Variants in AUTS2 observed in about 807,000 individuals in gnomAD.
AUTS2 encodes autism susceptibility gene 2 protein.
In AUTS2, 17 loss-of-function variants were observed where a neutral mutation model predicts 112.4. The observed-to-expected ratio is 0.15, with a 90% CI of 0.10 to 0.23. The LOEUF (loss-of-function observed/expected upper bound fraction) is 0.23, where lower values mean the gene tolerates loss of function less well. Ranked by LOEUF, AUTS2 falls within the 10% of genes least tolerant of loss-of-function variation. The pLI is 1.00. For synonymous variants in AUTS2, 751 were observed against 702.7 expected (o/e 1.07, Z -1.09); for missense variants, 1,510 against 1,701.6 (o/e 0.89, Z 1.98).
chr7:69,937,975 G>A (rs1432555197), intron 2 of AUTS2, among the ~76,000 whole-genome samples: 1 of 152,186 alleles, frequency 6.6e-6, no homozygotes, highest in Admixed American at 6.5e-5. Context: ...CATGATGAGA[G>A]GTTTTGGGTG....
At chr7:70,296,280 T>G (rs1788931018) in intron 4 of AUTS2, among the ~76,000 whole-genome samples, 1 of 152,246 alleles carries the variant, frequency 6.6e-6, no homozygotes, top group South Asian at 2.1e-4. Context: ...ACAAAGTCAT[T>G]TTCAAGTTTA....
At chr7:70,653,391 T>C (rs1806609874) in intron 5 of AUTS2, among the ~76,000 whole-genome samples, 1 of 152,216 alleles carries the variant, frequency 6.6e-6, no homozygotes. Context: ...AATACTTAAC[T>C]GTGAACACGG....
At chr7:70,786,672 C>T (rs1323315868) in intron 17 of AUTS2, among the ~76,000 whole-genome samples, 2 of 152,134 alleles carry the variant, frequency 1.3e-5, no homozygotes, top group African/African-American at 4.8e-5. Flanking sequence ...ATTCCGGGTA[C>T]AGGAAGAGCT....
intron 1 of AUTS2, among the ~76,000 whole-genome samples, chr7:69,885,347 G>A (rs1417947170): frequency 1.3e-5 from 2 of 151,972 alleles, no homozygotes; most frequent in South Asian, 2.1e-4. Flanking sequence ...TAAATAAATC[G>A]GTGAAGGTTG....
chr7:70,105,345 G>A (rs998652304), intron 2 of AUTS2, among the ~76,000 whole-genome samples: 14 of 152,040 alleles, frequency 9.2e-5, no homozygotes, highest in African/African-American at 2.9e-4. Context: ...CTGCAGCCTC[G>A]AACTCCTGGG....
chr7:69,600,072 G>T, intron 1 of AUTS2, 110 bp downstream of exon 1: 2 of 1,190,376 alleles, frequency 1.7e-6, no homozygotes, highest in Non-Finnish European at 2.4e-6. Flanking sequence ...CTGTCTGTCT[G>T]TCTGTCTGTC....
rs549871083 is a variant in AUTS2, at chr7:70,773,546, C to T, written c.1831-482C>T. 2.0e-5 allele frequency among the ~76,000 whole-genome samples: 3 copies of T among 152,294 alleles called. No individual in the cohort carries two copies. In the South Asian group the frequency reaches 6.2e-4, roughly 32 times the overall value. On this transcript the variant is annotated intron_variant, in intron 11 of 18. Transcript: ENST00000342771. ...AATGAGTAATTACTGAGTATAATTCCTTATTATTGTCTACCAGTTAAAACG... is the reference window on the plus strand; with the variant it reads ...AATGAGTAATTACTGAGTATAATTCTTTATTATTGTCTACCAGTTAAAACG...
intron 1 of AUTS2, among the ~76,000 whole-genome samples, chr7:69,773,563 A>T (rs1235629805): frequency 6.6e-6 from 1 of 151,380 alleles, no homozygotes; most frequent in Non-Finnish European, 1.5e-5. Context: ...TATCCTCCCT[A>T]TTGCTGCCAA....
intron 1 of AUTS2, among the ~76,000 whole-genome samples, chr7:69,635,536 G>T (rs755940148): frequency 2.0e-5 from 3 of 152,196 alleles, no homozygotes; most frequent in Non-Finnish European, 2.9e-5. Flanking sequence ...CTCTAGCCCT[G>T]CAGTACCAGA....
At chr7:69,637,317 T>C (rs1794593114) in intron 1 of AUTS2, among the ~76,000 whole-genome samples, 1 of 152,248 alleles carries the variant, frequency 6.6e-6, no homozygotes, top group Non-Finnish European at 1.5e-5. Flanking sequence ...TACTGCCAAA[T>C]TGCAACAATT....
At chr7:69,666,560 C>T (rs903039123) in intron 1 of AUTS2, among the ~76,000 whole-genome samples, 17 of 152,118 alleles carry the variant, frequency 1.1e-4, no homozygotes, top group African/African-American at 3.9e-4. Flanking sequence ...TGGCATTGCA[C>T]CATGTTCCCC....
intron 5 of AUTS2, among the ~76,000 whole-genome samples, chr7:70,504,702 T>C (rs897044169): frequency 6.6e-6 from 1 of 152,190 alleles, no homozygotes; most frequent in Non-Finnish European, 1.5e-5. Flanking sequence ...CCTGCAAGTG[T>C]TTGGGGCTTG....
rs568766590 is a variant in AUTS2 at position 70,684,431 on chromosome 7, C to A, written c.691-14138C>A. ...TCTTAAAACCTCTCTAGAGTTTAGA[C>A]AGCAGAATGATTTTGTCTTAGACAT... On this transcript the variant is annotated intron_variant, in intron 5 of 18. Transcript: ENST00000342771. 2.0e-5 allele frequency among the ~76,000 whole-genome samples: 3 copies of A among 152,284 alleles called. No homozygotes were observed. In the Middle Eastern group the frequency reaches 0.01, roughly 518 times the overall value.
At chr7:70,096,342 A>C (rs900404980) in intron 2 of AUTS2, among the ~76,000 whole-genome samples, 7 of 152,232 alleles carry the variant, frequency 4.6e-5, no homozygotes, top group African/African-American at 1.7e-4. Context: ...CACGTCTGTA[A>C]TCCCAGCACT....
At chr7:70,092,643 C>T (rs574795941) in intron 2 of AUTS2, among the ~76,000 whole-genome samples, 1 of 152,234 alleles carries the variant, frequency 6.6e-6, no homozygotes, top group African/African-American at 2.4e-5. Flanking sequence ...GACTCTGTGG[C>T]ACAGACATGG....
intron 4 of AUTS2, among the ~76,000 whole-genome samples, chr7:70,159,913 T>C (rs1411093395): frequency 1.3e-5 from 2 of 152,176 alleles, no homozygotes. Flanking sequence ...GGGTATATAA[T>C]GTCAGCATGA....
chr7:69,994,463 G>A (rs1181159075), intron 2 of AUTS2, among the ~76,000 whole-genome samples: 1 of 152,102 alleles, frequency 6.6e-6, no homozygotes, highest in Non-Finnish European at 1.5e-5. Flanking sequence ...GTTTAGAGAA[G>A]GTTTAAGATT....
At position 69,960,131 on chromosome 7, in the gene AUTS2, A is replaced by C. The variant is rs1380125075; in HGVS notation, c.522+60633A>C. ...TCTTTTCAACTAGAGTTCAAACAAA[A>C]TAATTTTAGATAACATCCTAAGAAC... On this transcript the variant is annotated intron_variant, in intron 2 of 18. Coordinates refer to ENST00000342771, the MANE Select transcript of AUTS2 (RefSeq NM_015570.4). Among the ~76,000 whole-genome samples the C allele has an allele frequency of 1.3e-5, 2 of 152,316 alleles. 1 individual carries two copies. The highest frequency in any genetic ancestry group is 4.8e-5 in the African/African-American group (2 of 41,582).
intron 6 of AUTS2, among the ~76,000 whole-genome samples, chr7:70,706,603 T>G (rs1371492582): frequency 6.6e-6 from 1 of 152,234 alleles, no homozygotes; most frequent in Non-Finnish European, 1.5e-5. Flanking sequence ...TTTGATGATC[T>G]CCGTAGGCTT....
Sources: allele counts gnomAD v4.1 joint callset (sites outside exome capture counted in the v4.1 genomes callset), GRCh38; gene constraint gnomAD v4.1.1; transcripts MANE v1.5; gene names NCBI Gene and HGNC (gene_info 2026-07-23, HGNC 2026-07-21).